Variants in SS18 observed in about 807,000 individuals in gnomAD.
The protein encoded by SS18 is protein SSXT.
SS18 carries 28 observed loss-of-function variants against 72.5 expected under a neutral mutation model. The observed-to-expected ratio is 0.39, with a 90% CI of 0.29 to 0.53. SS18 has a LOEUF of 0.53. Ranked by LOEUF, SS18 falls within the 20% of genes least tolerant of loss-of-function variation. SS18 has a pLI of 0.76. For missense variants in SS18, 518 were observed against 535.3 expected (o/e 0.97, Z 0.32); for synonymous variants, 172 against 164.2 (o/e 1.05, Z -0.37).
chr18:26,060,911 GCA>G (rs2054112060), intron 3 of SS18, among the ~76,000 whole-genome samples: 1 of 148,260 alleles, frequency 6.7e-6, no homozygotes, highest in African/African-American at 2.5e-5. Context: ...AGCTGAGATC[GCA>G]TCACTGCACT....
rs539097380 is a variant in SS18, at chr18:26,039,368, C to T, written c.696G>A (p.Met232Ile). 110 of 1,613,736 alleles carry T rather than the reference C, an allele frequency of 6.8e-5. No individual in the cohort carries two copies. Among genetic ancestry groups the T allele is most frequent in the Non-Finnish European group, 8.8e-5 (104 of 1,179,890 alleles). The change falls in exon 6 of 11, where the codon ATG becomes ATA. Residue 232 changes from methionine (M) to isoleucine (I), a missense_variant. Met to Ile is a conservative substitution (Grantham distance 10). Transcript: ENST00000415083. ...GQHYQGQQPP[M>I]GMMGQVNQGN... Reference sequence around the variant, plus strand: ...CTTGGTTAACTTGACCCATCATTCCCATAGGTGGCTGCTGTCCTTGGTAAT... The same window carrying T: ...CTTGGTTAACTTGACCCATCATTCCTATAGGTGGCTGCTGTCCTTGGTAAT...
intron 6 of SS18, 80 bp downstream of exon 6, chr18:26,039,209 C>G (rs942656980): frequency 7.8e-5 from 35 of 451,488 alleles, no homozygotes; most frequent in Non-Finnish European, 1.5e-5. Context: ...AACGCCCTGA[C>G]TTTGTCTAGA....
intron 3 of SS18, among the ~76,000 whole-genome samples, chr18:26,061,899 T>C (rs1439801716): frequency 6.6e-6 from 1 of 151,952 alleles, no homozygotes; most frequent in African/African-American, 2.4e-5. Flanking sequence ...ACATTTAAAA[T>C]AACAGTAATA....
Position 26,035,697 on chromosome 18 carries a change from C to T in SS18, c.973+134G>A. On this transcript the variant is annotated intron_variant, in intron 8 of 10. Coordinates refer to ENST00000415083, the MANE Select transcript of SS18 (RefSeq NM_001007559.3). The surrounding 1 kb of genome is among the most constrained non-coding windows in gnomAD (Gnocchi z 4.4). Reference sequence around the variant, plus strand: ...GAAATTATTTTGATTGTTTTGGGCTCCCTGCAACTTTCAAGAAAGCCAGCA... The same window carrying T: ...GAAATTATTTTGATTGTTTTGGGCTTCCTGCAACTTTCAAGAAAGCCAGCA... 1 of 468,524 alleles carries T rather than the reference C, an allele frequency of 2.1e-6. No homozygotes were observed. Among genetic ancestry groups the T allele is most frequent in the Non-Finnish European group, 3.7e-6 (1 of 269,370 alleles). 29.0% of individuals were successfully genotyped at this position (468,524 alleles called of 1,614,324 possible). A position where few individuals can be genotyped will look rare whatever the true frequency, so the allele number is the denominator to read the frequency against.
chr18:26,044,071 C>T (rs1480574858), intron 5 of SS18, among the ~76,000 whole-genome samples: 1 of 152,072 alleles, frequency 6.6e-6, no homozygotes, highest in Non-Finnish European at 1.5e-5. Context: ...CAAGAGGATA[C>T]CTATCTAGCT....
chr18:26,087,816 G>A (rs531893221), intron 1 of SS18, among the ~76,000 whole-genome samples: 13 of 152,188 alleles, frequency 8.5e-5, no homozygotes, highest in Non-Finnish European at 1.5e-4. Flanking sequence ...GTTGCTACCC[G>A]CTGTTACAAA....
rs1567981273 is a variant in SS18, at chr18:26,016,437, T to C, written c.*1917A>G. 1.1e-5 allele frequency: 2 copies of C among 181,952 alleles called. No individual in the cohort carries two copies. The highest frequency in any genetic ancestry group is 2.3e-5 in the Non-Finnish European group (2 of 85,214). The allele number at this position is 181,952 out of a possible 1,614,324, so 11.3% of individuals were successfully genotyped here. A position where few individuals can be genotyped will look rare whatever the true frequency, so the allele number is the denominator to read the frequency against. On this transcript the variant is annotated 3_prime_UTR_variant, in exon 11 of 11. Coordinates refer to ENST00000415083, the MANE Select transcript of SS18 (RefSeq NM_001007559.3). ...TGATCAAGTTGAAAGAAAAAACCTATTCTGGCCAGGCACGGTGGCTCACGC... is the reference window on the plus strand; with the variant it reads ...TGATCAAGTTGAAAGAAAAAACCTACTCTGGCCAGGCACGGTGGCTCACGC...
At chr18:26,087,878 T>C (rs1449035356) in intron 1 of SS18, among the ~76,000 whole-genome samples, 1 of 152,238 alleles carries the variant, frequency 6.6e-6, no homozygotes, top group African/African-American at 2.4e-5. Context: ...AACATTAGTG[T>C]ATCAGCAGCT....
intron 7 of SS18, among the ~76,000 whole-genome samples, chr18:26,038,264 A>C (rs1468421298): frequency 6.6e-6 from 1 of 152,054 alleles, no homozygotes; most frequent in Non-Finnish European, 1.5e-5. Flanking sequence ...AATAAACATA[A>C]GCTTTGGCTG....
chr18:26,028,196 A>G (rs1180075488), intron 10 of SS18, among the ~76,000 whole-genome samples: 2 of 152,224 alleles, frequency 1.3e-5, no homozygotes, highest in African/African-American at 4.8e-5. Flanking sequence ...AAGTGAGAGA[A>G]GATGGTCAAC....
Position 26,090,598 on chromosome 18 carries a change from C to T in SS18, c.-29G>A. On this transcript the variant is annotated 5_prime_UTR_variant, in exon 1 of 11. Transcript: ENST00000415083. The stretch of plus-strand genomic sequence containing the variant: ...GCCGCCGTCACCACTATCGGCAAGT[C>T]CCGAGCGCTCCGGGTGAACGGCAAA... 2.6e-6 allele frequency: 4 copies of T among 1,557,978 alleles called. No homozygotes were observed. In the African/African-American group the frequency reaches 4.1e-5, roughly 16 times the overall value.
At chr18:26,055,723 G>GT (rs1488485598) in intron 4 of SS18, among the ~76,000 whole-genome samples, 1 of 149,718 alleles carries the variant, frequency 6.7e-6, no homozygotes, top group African/African-American at 2.4e-5. Context: ...CTGTAACTCC[G>GT]TAACTATTGT....
Position 26,087,488 on chromosome 18 carries a change from T to C in SS18, c.146+13A>G, listed in dbSNP as rs200204177. 1 of 1,508,866 alleles carries C rather than the reference T, an allele frequency of 6.6e-7. No homozygotes were observed. The highest frequency in any genetic ancestry group is 9.0e-7 in the Non-Finnish European group (1 of 1,106,386). 93.5% of individuals were successfully genotyped at this position (1,508,866 alleles called of 1,614,324 possible). ...AAAAACTGAATAAAAAAAAAGTTTC[T>C]TATCAATCTTACTGAGAACACTCTG... On this transcript the variant is annotated intron_variant, in intron 2 of 10. Coordinates refer to ENST00000415083, the MANE Select transcript of SS18 (RefSeq NM_001007559.3).
intron 10 of SS18, among the ~76,000 whole-genome samples, chr18:26,028,349 G>GT (rs1310790174): frequency 2.0e-5 from 3 of 152,180 alleles, no homozygotes; most frequent in Non-Finnish European, 4.4e-5. Flanking sequence ...TACACTGCTG[G>GT]TAAGAATGTA....
chr18:26,071,901 G>T (rs1355367539), intron 3 of SS18, among the ~76,000 whole-genome samples: 1 of 151,962 alleles, frequency 6.6e-6, no homozygotes, highest in Admixed American at 6.6e-5. Flanking sequence ...CAAAAATACT[G>T]AAGGTATGTC....
intron 5 of SS18, among the ~76,000 whole-genome samples, chr18:26,052,106 A>C (rs1196261620): frequency 2.0e-5 from 3 of 152,228 alleles, no homozygotes; most frequent in African/African-American, 4.8e-5. Flanking sequence ...AACATGGTAC[A>C]ATTTCATTCT....
At chr18:26,078,253 T>A (rs1164399096) in intron 2 of SS18, 93 bp from the exon 3 acceptor site, 4 of 908,210 alleles carry the variant, frequency 4.4e-6, no homozygotes, top group Non-Finnish European at 6.5e-6. Flanking sequence ...TAAAGTTTCA[T>A]TAAAAATTTG....
intron 2 of SS18, among the ~76,000 whole-genome samples, chr18:26,087,064 C>T (rs775977162): frequency 4.6e-5 from 7 of 151,978 alleles, no homozygotes; most frequent in Non-Finnish European, 8.8e-5. Flanking sequence ...AGCTGCATAA[C>T]GGAAAAAAAT....
At chr18:26,076,096 C>T (rs2054406259) in intron 3 of SS18, among the ~76,000 whole-genome samples, 1 of 151,784 alleles carries the variant, frequency 6.6e-6, no homozygotes, top group African/African-American at 2.4e-5. Context: ...ATATGCAATG[C>T]TCACGATTTG....
Sources: gnomAD v4.1 joint callset for allele counts (sites outside exome capture counted in the v4.1 genomes callset) on GRCh38, gnomAD v4.1.1 for gene constraint, Gnocchi (gnomAD v3.1) non-coding constraint, MANE v1.5 for transcripts, NCBI Gene and HGNC (gene_info 2026-07-23, HGNC 2026-07-21) for gene names.